The following SMARCA2 variants were observed in gnomAD, a reference collection of about 807,000 sequenced individuals.
SMARCA2 encodes SWI/SNF related BAF chromatin remodeling complex subunit ATPase 2.
SMARCA2 carries 61 observed loss-of-function variants against 199.8 expected under a neutral mutation model. That is an observed-to-expected ratio of 0.31 (90% CI 0.25 to 0.38). SMARCA2 has a LOEUF of 0.38. SMARCA2 is among the 10% of genes least tolerant of loss of function. The pLI is 1.00. For missense variants in SMARCA2, 1,344 were observed against 2,012.2 expected, an observed-to-expected ratio of 0.67 and a Z score of 6.35; for synonymous variants, 935 against 732.0, an observed-to-expected ratio of 1.28 and a Z score of -4.48.
In SMARCA2 at chr9:2,073,631, T is replaced by G; in HGVS notation, c.1935+8T>G. On this transcript the variant is annotated splice_region_variant and intron_variant, in intron 12 of 33. Transcript: ENST00000349721. ...TCTGATTATGAGGAAGAGGTATGTATGTATCTCTGTTTGGGGTTTATTGGT... is the reference window on the plus strand; with the variant it reads ...TCTGATTATGAGGAAGAGGTATGTAGGTATCTCTGTTTGGGGTTTATTGGT... The G allele has an allele frequency of 6.3e-7, 1 of 1,591,166 alleles. No homozygotes were observed. The highest frequency in any genetic ancestry group is 1.3e-5 in the African/African-American group (1 of 74,604).
intron 13 of SMARCA2, 41 bp downstream of exon 13, chr9:2,076,370 G>C: frequency 8.4e-7 from 1 of 1,189,772 alleles, no homozygotes; most frequent in Non-Finnish European, 1.3e-6. Flanking sequence ...ATTGCATGAG[G>C]ATGATGCTTA....
intron 25 of SMARCA2, among the ~76,000 whole-genome samples, chr9:2,117,164 G>A (rs191848982): frequency 2.3e-4 from 35 of 152,008 alleles, no homozygotes; most frequent in East Asian, 1.5e-3. Context: ...AAGTCCAGCC[G>A]TTGTTAAGCC....
At position 2,170,570 on chromosome 9, in the gene SMARCA2, C is replaced by T. The variant is rs1055278571; in HGVS notation, c.4253+98C>T. 3.1e-6 allele frequency: 5 copies of T among 1,588,954 alleles called. No individual in the cohort carries two copies. Among genetic ancestry groups the T allele is most frequent in the Admixed American group, 1.7e-5 (1 of 59,288 alleles). Reference sequence around the variant, plus strand: ...ATAATCGGCCTTTGGAAGCAAATTTCTTCGGTCACCTCCTGATCACCCCTA... The same window carrying T: ...ATAATCGGCCTTTGGAAGCAAATTTTTTCGGTCACCTCCTGATCACCCCTA... On this transcript the variant is annotated intron_variant, in intron 29 of 33. Transcript: ENST00000349721. This position sits in a 1 kb window ranked among gnomAD's most constrained non-coding sequence, Gnocchi z 4.7.
intron 22 of SMARCA2, among the ~76,000 whole-genome samples, chr9:2,103,661 T>TGA (rs34122859): frequency 0.025 from 3,512 of 142,258 alleles, 115 homozygotes; most frequent in African/African-American, 0.083. Flanking sequence ...TGTGTGTGTG[T>TGA]GAGAGAGAGA....
At chr9:2,160,509 T>G in intron 27 of SMARCA2, 1 of 635,742 alleles carries the variant, frequency 1.6e-6, no homozygotes, top group South Asian at 1.8e-5. Flanking sequence ...TCAGGAAGCG[T>G]TGTACATAAG....
chr9:2,147,741 G>A (rs989820868), intron 27 of SMARCA2, among the ~76,000 whole-genome samples: 29 of 151,550 alleles, frequency 1.9e-4, no homozygotes, highest in Middle Eastern at 6.8e-3. Flanking sequence ...CAGCTACTTG[G>A]GAGGCTGAGG....
At chr9:2,090,746 G>A (rs897607307) in intron 19 of SMARCA2, among the ~76,000 whole-genome samples, 4 of 151,994 alleles carry the variant, frequency 2.6e-5, no homozygotes, top group African/African-American at 9.7e-5. Flanking sequence ...CCTTCCGGTA[G>A]CCCCCCCACA....
intron 10 of SMARCA2, chr9:2,071,939 A>G (rs947407601): frequency 6.6e-6 from 1 of 152,216 alleles, no homozygotes; most frequent in East Asian, 1.9e-4. Context: ...TAGCACACAC[A>G]AAAGAAAAAA....
intron 29 of SMARCA2, among the ~76,000 whole-genome samples, chr9:2,171,406 C>G (rs959355912): frequency 6.6e-6 from 1 of 152,166 alleles, no homozygotes; most frequent in African/African-American, 2.4e-5. Flanking sequence ...GAACACAGAT[C>G]ACTGGTTGTG....
chr9:2,141,712 G>A (rs554654081), intron 27 of SMARCA2, among the ~76,000 whole-genome samples: 10 of 151,992 alleles, frequency 6.6e-5, no homozygotes, highest in African/African-American at 2.4e-4. Flanking sequence ...CCCTTGAGCA[G>A]TAATCATCCA....
At chr9:2,125,206 C>G (rs895748551) in intron 27 of SMARCA2, among the ~76,000 whole-genome samples, 2 of 152,166 alleles carry the variant, frequency 1.3e-5, no homozygotes, top group African/African-American at 4.8e-5. Context: ...TTCTGAAAAG[C>G]ACTGCTCATT....
rs1038080346 is a variant in SMARCA2, at chr9:2,086,493, C to T, written c.2527-336C>T. 6.6e-6 allele frequency among the ~76,000 whole-genome samples: 1 copy of T among 152,092 alleles called. No individual in the cohort carries two copies. Among genetic ancestry groups the T allele is most frequent in the East Asian group, 1.9e-4 (1 of 5,198 alleles). On this transcript the variant is annotated intron_variant, in intron 17 of 33. Coordinates refer to ENST00000349721, the MANE Select transcript of SMARCA2 (RefSeq NM_003070.5). The surrounding 1 kb of genome is among the most constrained non-coding windows in gnomAD (Gnocchi z 4.3). ...AAATCTGGGATAGCTGTCATGATAA[C>T]GTATTAATAGAAGGGGCATTGGATG...
chr9:2,144,451 A>T (rs1372579941), intron 27 of SMARCA2, among the ~76,000 whole-genome samples: 2 of 152,186 alleles, frequency 1.3e-5, no homozygotes, highest in African/African-American at 4.8e-5. Context: ...TAAGCATGTC[A>T]AGGCACCAGT....
At chr9:2,137,149 A>G (rs1013791707) in intron 27 of SMARCA2, among the ~76,000 whole-genome samples, 1 of 152,212 alleles carries the variant, frequency 6.6e-6, no homozygotes, top group African/African-American at 2.4e-5. Flanking sequence ...GAGAAAAGAA[A>G]GATTCAGGGC....
chr9:2,131,808 C>T (rs568432013), intron 27 of SMARCA2, among the ~76,000 whole-genome samples: 5 of 152,004 alleles, frequency 3.3e-5, no homozygotes, highest in East Asian at 1.9e-4. Context: ...GGCGTGGTGG[C>T]GGGTGCCTGT....
rs1370508446 is a variant in SMARCA2, at chr9:2,186,241, A to T, written c.4594+13A>T. 1 of 1,610,710 alleles carries T rather than the reference A, an allele frequency of 6.2e-7. No homozygotes were observed. Among genetic ancestry groups the T allele is most frequent in the Non-Finnish European group, 8.5e-7 (1 of 1,177,986 alleles). ...TCAGAGTCCGAGGGTAAGCCCAGAC[A>T]TTCGGGTCCTGTACATCTTTGCCCC... On this transcript the variant is annotated intron_variant, in intron 32 of 33. Coordinates refer to ENST00000349721, the MANE Select transcript of SMARCA2 (RefSeq NM_003070.5).
intron 1 of SMARCA2, among the ~76,000 whole-genome samples, chr9:2,023,213 A>C (rs569310751): frequency 6.6e-6 from 1 of 152,268 alleles, no homozygotes; most frequent in African/African-American, 2.4e-5. Context: ...GCTGCTGCCG[A>C]GTTTGTTGTT....
intron 19 of SMARCA2, among the ~76,000 whole-genome samples, chr9:2,089,570 A>G (rs914938760): frequency 6.6e-6 from 1 of 152,190 alleles, no homozygotes; most frequent in Non-Finnish European, 1.5e-5. Flanking sequence ...TTATTCCCTA[A>G]TCCTTTATGC....
At position 2,086,866 on chromosome 9, in the gene SMARCA2, G is replaced by A. The variant is rs1471482709; in HGVS notation, c.2564G>A (p.Arg855Gln). The change falls in exon 18 of 34, where the codon CGA becomes CAA. Residue 855 changes from arginine (R) to glutamine (Q), a missense_variant. Around this residue, in one of 18 missense-constraint regions of SMARCA2, gnomAD observed 19 missense variants for 119.6 expected, o/e 0.16. Transcript: ENST00000349721. The surrounding 1 kb of genome is among the most constrained non-coding windows in gnomAD (Gnocchi z 4.3). Reference protein sequence around the residue: ...WKYMIVDEGHRMKNHHCKLTQ... With the variant: ...WKYMIVDEGHQMKNHHCKLTQ... ...TACATGATAGTGGACGAAGGCCACC[G>A]AATGAAGAATCACCACTGCAAGCTG... The A allele has an allele frequency of 6.2e-7, 1 of 1,613,974 alleles. No homozygotes were observed. The highest frequency in any genetic ancestry group is 8.5e-7 in the Non-Finnish European group (1 of 1,179,986).
Sources: allele counts gnomAD v4.1 joint callset (sites outside exome capture counted in the v4.1 genomes callset), GRCh38; gene constraint gnomAD v4.1.1; regional missense constraint gnomAD v4.1.1; non-coding constraint Gnocchi (gnomAD v3.1); transcripts MANE v1.5; gene names NCBI Gene and HGNC (gene_info 2026-07-23, HGNC 2026-07-21).